PDGFC: variants seen among roughly 807,000 people sequenced by gnomAD.
PDGFC encodes platelet derived growth factor C.
A neutral mutation model predicts 35.5 loss-of-function variants in PDGFC; 12 were observed. That is an observed-to-expected ratio of 0.34 (90% confidence interval 0.22 to 0.55). PDGFC has a LOEUF of 0.55. PDGFC is among the 20% of genes least tolerant of loss of function. The probability of loss-of-function intolerance (pLI) is 0.91; values close to 1 mark genes in which losing one functional copy is unlikely to be tolerated. For missense variants in PDGFC, 322 were observed against 412.4 expected (o/e 0.78, Z 1.90); for synonymous variants, 159 against 148.8 (o/e 1.07, Z -0.50).
intron 3 of PDGFC, among the ~76,000 whole-genome samples, chr4:156,794,434 G>A (rs545786751): frequency 6.6e-6 from 1 of 151,678 alleles, no homozygotes; most frequent in African/African-American, 2.4e-5. Context: ...AGCTTTCAAA[G>A]TAACACAAAC....
At chr4:156,967,719 T>G (rs527974214) in intron 1 of PDGFC, 2 of 152,302 alleles carry the variant, frequency 1.3e-5, no homozygotes, top group South Asian at 2.1e-4. Context: ...TCCCAGAACT[T>G]AATCATTCCA....
chr4:156,949,339 G>A (rs1345867821), intron 1 of PDGFC, among the ~76,000 whole-genome samples: 3 of 151,832 alleles, frequency 2.0e-5, no homozygotes, highest in Non-Finnish European at 4.4e-5. Flanking sequence ...CAAAGTAATG[G>A]GGAAAAAGTC....
At position 156,775,794 on chromosome 4, in the gene PDGFC, G is replaced by T. The variant is rs17813520; in HGVS notation, c.496-2901C>A. On this transcript the variant is annotated intron_variant, in intron 3 of 5. Coordinates refer to ENST00000502773, the MANE Select transcript of PDGFC (RefSeq NM_016205.3). ...CTTCTGTTACTGTATGTATAGATCA[G>T]TTGGTGTTACAAATCTCTAAGCTTC... 7.5e-3 allele frequency among the ~76,000 whole-genome samples: 1,146 copies of T among 152,288 alleles called. 9 individuals carry two copies. The highest frequency in any genetic ancestry group is 0.011 in the Non-Finnish European group (734 of 68,020).
At chr4:156,810,785 A>G in intron 3 of PDGFC, 52 bp downstream of exon 3, 1 of 1,159,180 alleles carries the variant, frequency 8.6e-7, no homozygotes. Flanking sequence ...AAAAATAAAA[A>G]GAAACAAAAA....
At chr4:156,898,126 G>A (rs1189863952) in intron 1 of PDGFC, among the ~76,000 whole-genome samples, 6 of 152,134 alleles carry the variant, frequency 3.9e-5, no homozygotes, top group Admixed American at 3.9e-4. Flanking sequence ...GAGGCCTCAT[G>A]AAGGCAATTA....
At chr4:156,881,744 C>T (rs138229788) in intron 1 of PDGFC, among the ~76,000 whole-genome samples, 12 of 150,770 alleles carry the variant, frequency 8.0e-5, no homozygotes, top group Non-Finnish European at 1.3e-4. Flanking sequence ...GAAGGAGAAT[C>T]GCTTGAACCC....
At chr4:156,954,087 A>G (rs1436807688) in intron 1 of PDGFC, among the ~76,000 whole-genome samples, 1 of 151,976 alleles carries the variant, frequency 6.6e-6, no homozygotes, top group Non-Finnish European at 1.5e-5. Context: ...AACCTTGTGC[A>G]GTCTGGGCAC....
intron 2 of PDGFC, among the ~76,000 whole-genome samples, chr4:156,843,738 G>A (rs1167757319): frequency 1.3e-5 from 2 of 152,140 alleles, no homozygotes; most frequent in Non-Finnish European, 2.9e-5. Context: ...TAACTGTGGT[G>A]AGAACCAAAA....
At chr4:156,943,102 CTACT>C (rs1320322042) in intron 1 of PDGFC, among the ~76,000 whole-genome samples, 2 of 152,054 alleles carry the variant, frequency 1.3e-5, no homozygotes, top group Non-Finnish European at 2.9e-5. Context: ...CTTAAATGCT[CTACT>C]CACTTCTATT....
At chr4:156,937,308 G>A (rs1466785408) in intron 1 of PDGFC, among the ~76,000 whole-genome samples, 1 of 152,128 alleles carries the variant, frequency 6.6e-6, no homozygotes, top group Non-Finnish European at 1.5e-5. Context: ...AAAAAATCTT[G>A]TTATCTTTCC....
At chr4:156,779,731 C>T (rs757433993) in intron 3 of PDGFC, among the ~76,000 whole-genome samples, 30 of 152,140 alleles carry the variant, frequency 2.0e-4, no homozygotes, top group Non-Finnish European at 4.3e-4. Context: ...ATAGATGAAA[C>T]AACTGCTACG....
chr4:156,901,631 T>A (rs902870296), intron 1 of PDGFC, among the ~76,000 whole-genome samples: 4 of 151,212 alleles, frequency 2.6e-5, no homozygotes, highest in African/African-American at 9.8e-5. Flanking sequence ...TTTTACTTTT[T>A]ATTTTTCTAA....
chr4:156,916,203 G>C (rs1388187526), intron 1 of PDGFC, among the ~76,000 whole-genome samples: 1 of 152,008 alleles, frequency 6.6e-6, no homozygotes, highest in Non-Finnish European at 1.5e-5. Context: ...GACAATCAGA[G>C]GCCTTTACGA....
At chr4:156,919,571 T>C in intron 1 of PDGFC, among the ~76,000 whole-genome samples, 1 of 152,074 alleles carries the variant, frequency 6.6e-6, no homozygotes, top group East Asian at 1.9e-4. Flanking sequence ...CCTAACTGGT[T>C]TTTGTCCAGC....
intron 1 of PDGFC, among the ~76,000 whole-genome samples, chr4:156,862,130 T>C (rs1729727469): frequency 6.6e-6 from 1 of 152,160 alleles, no homozygotes; most frequent in African/African-American, 2.4e-5. Context: ...TTCAAATTAA[T>C]ACAAATCCTC....
intron 1 of PDGFC, among the ~76,000 whole-genome samples, chr4:156,888,931 T>C (rs990280427): frequency 1.3e-5 from 2 of 152,214 alleles, no homozygotes; most frequent in South Asian, 2.1e-4. Flanking sequence ...TTAAGAGCTT[T>C]GAGTTACTCA....
intron 1 of PDGFC, among the ~76,000 whole-genome samples, chr4:156,910,602 T>TA (rs1003966596): frequency 1.1e-4 from 17 of 151,708 alleles, no homozygotes; most frequent in Admixed American, 5.3e-4. Context: ...TGACTTTTAT[T>TA]AAAAAAAAAT....
intron 3 of PDGFC, among the ~76,000 whole-genome samples, chr4:156,805,980 C>T (rs1465303713): frequency 6.6e-6 from 1 of 151,982 alleles, no homozygotes; most frequent in East Asian, 1.9e-4. Context: ...CTGGATAAGT[C>T]ATTTACAAAA....
At chr4:156,769,192 G>C (rs1289063579) in intron 4 of PDGFC, among the ~76,000 whole-genome samples, 1 of 151,082 alleles carries the variant, frequency 6.6e-6, no homozygotes, top group Non-Finnish European at 1.5e-5. Context: ...ACACAGACAT[G>C]AATGAAAAAA....
Sources: allele counts gnomAD v4.1 joint callset (sites outside exome capture counted in the v4.1 genomes callset), GRCh38; gene constraint gnomAD v4.1.1; transcripts MANE v1.5; gene names NCBI Gene and HGNC (gene_info 2026-07-23, HGNC 2026-07-21).